The following VTA1 variants were observed in gnomAD, a reference collection of about 807,000 sequenced individuals.
VTA1 encodes the protein vacuolar protein sorting-associated protein VTA1 homolog.
Under a neutral mutation model 36.9 loss-of-function variants are expected in VTA1, and 24 were observed. That is an observed-to-expected ratio of 0.65 (90% CI 0.47 to 0.91). The LOEUF is 0.91. Among genes scored for constraint, VTA1 ranks in the 40% least tolerant of loss-of-function variants. VTA1 has a pLI of 0.00. For missense variants in VTA1, 393 were observed against 377.2 expected (o/e 1.04, Z -0.35); for synonymous variants, 142 against 130.2 (o/e 1.09, Z -0.62).
intron 1 of VTA1, among the ~76,000 whole-genome samples, chr6:142,163,261 T>C (rs1289115589): frequency 2.0e-5 from 3 of 152,030 alleles, no homozygotes; most frequent in Non-Finnish European, 4.4e-5. Flanking sequence ...AGATAGGTAC[T>C]AGGGCTTCAG....
intron 6 of VTA1, 54 bp downstream of exon 6, chr6:142,198,669 T>G: frequency 1.3e-6 from 2 of 1,499,844 alleles, no homozygotes; most frequent in Non-Finnish European, 1.8e-6. Context: ...AAAGAAGAAC[T>G]GCATTTCTTA....
At chr6:142,198,668 C>G (rs1775618866) in intron 6 of VTA1, 53 bp downstream of exon 6, 1 of 1,504,322 alleles carries the variant, frequency 6.6e-7, no homozygotes, top group African/African-American at 1.4e-5. Flanking sequence ...TAAAGAAGAA[C>G]TGCATTTCTT....
chr6:142,181,078 GAA>G (rs1162412059), intron 4 of VTA1, among the ~76,000 whole-genome samples: 3,501 of 51,194 alleles, frequency 0.068, 167 homozygotes, highest in Non-Finnish European at 0.098. Context: ...AAATGGTACA[GAA>G]AAAAAAAAAA....
chr6:142,185,537 G>A (rs958154270), intron 4 of VTA1, among the ~76,000 whole-genome samples: 3 of 152,166 alleles, frequency 2.0e-5, no homozygotes, highest in African/African-American at 7.2e-5. Flanking sequence ...TGAACATAGA[G>A]ACTCAAATCT....
intron 3 of VTA1, 70 bp downstream of exon 3, chr6:142,169,747 C>T: frequency 7.5e-7 from 1 of 1,330,150 alleles, no homozygotes; most frequent in Non-Finnish European, 9.8e-7. Context: ...AACTAGTTTT[C>T]TCTGGAACAC....
In VTA1 at chr6:142,198,578, T is replaced by C. The variant is rs545533118; in HGVS notation, c.660T>C (p.Ala220=). The change falls in exon 6 of 8, where the codon GCT becomes GCC. Residue 220 remains alanine, a synonymous_variant. Coordinates refer to ENST00000367630, the MANE Select transcript of VTA1 (RefSeq NM_016485.5). ...TGIQIPPGAH[A]PANTPAEVPH... ...TACAGATTCCTCCGGGTGCACACGC[T>C]CCAGCTAATACACCAGCAGAAGTGC... 3 of 1,613,422 alleles carry C rather than the reference T, an allele frequency of 1.9e-6. No homozygotes were observed. The highest frequency in any genetic ancestry group is 2.2e-5 in the South Asian group (2 of 90,994).
At chr6:142,194,870 T>C (rs867081568) in intron 5 of VTA1, among the ~76,000 whole-genome samples, 2 of 152,140 alleles carry the variant, frequency 1.3e-5, no homozygotes, top group Non-Finnish European at 2.9e-5. Flanking sequence ...GATGTTGAAT[T>C]TTGTCAAGTG....
At chr6:142,185,635 G>A (rs988335889) in intron 4 of VTA1, among the ~76,000 whole-genome samples, 2 of 152,142 alleles carry the variant, frequency 1.3e-5, no homozygotes, top group African/African-American at 4.8e-5. Flanking sequence ...CAGTGCTTTA[G>A]CACATATTCT....
At chr6:142,181,551 A>T (rs1180325254) in intron 4 of VTA1, among the ~76,000 whole-genome samples, 7 of 151,052 alleles carry the variant, frequency 4.6e-5, no homozygotes, top group Non-Finnish European at 1.0e-4. Context: ...TGAGTAGAAG[A>T]TATGTGAGAG....
At chr6:142,206,675 G>A (rs1273694050) in intron 7 of VTA1, among the ~76,000 whole-genome samples, 1 of 152,076 alleles carries the variant, frequency 6.6e-6, no homozygotes, top group Non-Finnish European at 1.5e-5. Flanking sequence ...TGGAGGACTG[G>A]CACCACCTGA....
intron 5 of VTA1, among the ~76,000 whole-genome samples, chr6:142,194,566 T>C (rs1156577469): frequency 2.0e-5 from 3 of 152,178 alleles, no homozygotes; most frequent in African/African-American, 7.2e-5. Flanking sequence ...CGTTAGCTTC[T>C]AATAGGAATT....
At chr6:142,157,882 T>TA (rs1778693501) in intron 1 of VTA1, among the ~76,000 whole-genome samples, 1 of 146,102 alleles carries the variant, frequency 6.8e-6, no homozygotes, top group African/African-American at 2.5e-5. Context: ...TTTTTTTTTT[T>TA]AACCTCAATT....
chr6:142,150,694 C>A (rs1416792721), intron 1 of VTA1, among the ~76,000 whole-genome samples: 1 of 152,120 alleles, frequency 6.6e-6, no homozygotes, highest in Non-Finnish European at 1.5e-5. Context: ...AAAAAATAAA[C>A]CTTCATTCGG....
At chr6:142,191,286 G>A (rs536236556) in intron 5 of VTA1, among the ~76,000 whole-genome samples, 2 of 151,972 alleles carry the variant, frequency 1.3e-5, no homozygotes, top group Admixed American at 6.5e-5. Context: ...TTTACTTTTC[G>A]GGACTATTTT....
At chr6:142,166,094 C>T in intron 1 of VTA1, 134 bp from the exon 2 acceptor site, 2 of 536,668 alleles carry the variant, frequency 3.7e-6, no homozygotes, top group Non-Finnish European at 6.0e-6. Flanking sequence ...AGGTTTATAA[C>T]TTCCATAGTA....
chr6:142,208,609 A>T (rs769586378), intron 7 of VTA1, among the ~76,000 whole-genome samples: 29 of 152,190 alleles, frequency 1.9e-4, no homozygotes, highest in Non-Finnish European at 3.5e-4. Flanking sequence ...TCAACCCCCA[A>T]ATAAGACTAC....
At chr6:142,182,765 T>A (rs765344197) in intron 4 of VTA1, among the ~76,000 whole-genome samples, 3 of 152,152 alleles carry the variant, frequency 2.0e-5, no homozygotes, top group African/African-American at 7.2e-5. Context: ...TGTATACTTA[T>A]ACAAGATCCT....
chr6:142,194,106 T>G (rs1775501838), intron 5 of VTA1, among the ~76,000 whole-genome samples: 1 of 152,126 alleles, frequency 6.6e-6, no homozygotes, highest in Non-Finnish European at 1.5e-5. Flanking sequence ...AAGGTGATAT[T>G]GTTGCATCTA....
intron 5 of VTA1, among the ~76,000 whole-genome samples, chr6:142,196,984 A>C (rs1199954470): frequency 1.3e-5 from 2 of 152,134 alleles, no homozygotes; most frequent in Non-Finnish European, 2.9e-5. Context: ...TGGGGTTCAT[A>C]CAAACATTTC....
Sources: gnomAD v4.1 joint callset for allele counts (sites outside exome capture counted in the v4.1 genomes callset) on GRCh38, gnomAD v4.1.1 for gene constraint, MANE v1.5 for transcripts, NCBI Gene and HGNC (gene_info 2026-07-23, HGNC 2026-07-21) for gene names.